The following DYNC1LI1 variants were observed in gnomAD, a reference collection of about 807,000 sequenced individuals.
DYNC1LI1 encodes dynein cytoplasmic 1 light intermediate chain 1, also known as cytoplasmic dynein 1 light intermediate chain 1.
A neutral mutation model predicts 63.8 loss-of-function variants in DYNC1LI1; 19 were observed. The observed-to-expected ratio is 0.30, with a 90% confidence interval of 0.21 to 0.44. The LOEUF is 0.44. DYNC1LI1 is among the 20% of genes least tolerant of loss of function. DYNC1LI1 has a pLI of 1.00. For synonymous variants in DYNC1LI1, 225 were observed against 232.3 expected (o/e 0.97, Z 0.28); for missense variants, 565 against 630.2 (o/e 0.90, Z 1.11).
chr3:32,544,735 C>T, intron 4 of DYNC1LI1, 141 bp downstream of exon 4: 1 of 622,380 alleles, frequency 1.6e-6, no homozygotes, highest in Non-Finnish European at 2.7e-6. Context: ...GAACAAGACT[C>T]TTGTCTCCAA....
chr3:32,563,511 C>T (rs533855922), intron 2 of DYNC1LI1, among the ~76,000 whole-genome samples: 1 of 152,040 alleles, frequency 6.6e-6, no homozygotes, highest in Non-Finnish European at 1.5e-5. Flanking sequence ...AGGCTGGTCT[C>T]GAACTCATGA....
At chr3:32,533,566 CTT>C (rs374520445) in intron 7 of DYNC1LI1, among the ~76,000 whole-genome samples, 36,836 of 139,144 alleles carry the variant, frequency 0.26, 4,142 homozygotes, top group Middle Eastern at 0.29. Context: ...ATACGGTTAC[CTT>C]TTTTTTTTTT....
intron 2 of DYNC1LI1, among the ~76,000 whole-genome samples, chr3:32,569,014 A>C (rs914407780): frequency 3.9e-5 from 6 of 152,216 alleles, no homozygotes; most frequent in African/African-American, 1.4e-4. Flanking sequence ...AATATTTTCT[A>C]ATGCAGTTTA....
chr3:32,530,058 C>T (rs372624905), intron 10 of DYNC1LI1, among the ~76,000 whole-genome samples: 5 of 152,050 alleles, frequency 3.3e-5, no homozygotes, highest in Non-Finnish European at 7.4e-5. Flanking sequence ...CCTCATAAGG[C>T]GGTTGTGAGA....
intron 2 of DYNC1LI1, among the ~76,000 whole-genome samples, chr3:32,568,859 T>C (rs1032711209): frequency 7.2e-5 from 11 of 152,228 alleles, no homozygotes; most frequent in African/African-American, 2.7e-4. Flanking sequence ...CATTTTACCT[T>C]AGAAATGAGT....
Position 32,526,757 on chromosome 3 carries a change from C to T in DYNC1LI1, c.*42G>A. 6.9e-7 allele frequency: 1 copy of T among 1,454,374 alleles called. No individual in the cohort carries two copies. The highest frequency in any genetic ancestry group is 9.6e-7 in the Non-Finnish European group (1 of 1,039,120). The allele number at this position is 1,454,374 out of a possible 1,614,324, so 90.1% of individuals were successfully genotyped here. ...GAAGGAAAAGGCAGAGGCATGTTTA[C>T]ATTATCCCAGAAAACAGAATAAATG... is the stretch of plus-strand genomic sequence containing the variant. On this transcript the variant is annotated 3_prime_UTR_variant, in exon 13 of 13. Transcript: ENST00000273130.
At chr3:32,530,685 C>T in intron 8 of DYNC1LI1, 165 bp from the exon 9 acceptor site, 1 of 604,834 alleles carries the variant, frequency 1.7e-6, no homozygotes, top group Non-Finnish European at 2.9e-6. Flanking sequence ...AGGCCTTCAG[C>T]AGAGGTGTCC....
At chr3:32,569,976 C>G (rs1698320609) in intron 2 of DYNC1LI1, among the ~76,000 whole-genome samples, 1 of 152,240 alleles carries the variant, frequency 6.6e-6, no homozygotes, top group African/African-American at 2.4e-5. Context: ...CGCTGCAGCT[C>G]TCGCAAAGAG....
At chr3:32,564,185 TC>T (rs1165141545) in intron 2 of DYNC1LI1, among the ~76,000 whole-genome samples, 1 of 152,174 alleles carries the variant, frequency 6.6e-6, no homozygotes, top group Non-Finnish European at 1.5e-5. Context: ...GGGACTACAG[TC>T]CTGTATATTC....
In DYNC1LI1 at chr3:32,567,639, A is replaced by G. The variant is rs1476420998; in HGVS notation, c.220+2707T>C. Among the ~76,000 whole-genome samples, 3 of 151,238 alleles carry G rather than the reference A, an allele frequency of 2.0e-5. No individual in the cohort carries two copies. The East Asian group carries it at 5.8e-4, about 29-fold the overall frequency. On this transcript the variant is annotated intron_variant, in intron 2 of 12. Transcript: ENST00000273130. ...CTGCAACTTCTGCCTCCAGGGCTCA[A>G]GTTGTCCCTCCACCTTAGCCTCCTG...
At chr3:32,537,363 T>C (rs1697788351) in intron 5 of DYNC1LI1, 2 of 206,992 alleles carry the variant, frequency 9.7e-6, no homozygotes, top group Non-Finnish European at 1.9e-5. Flanking sequence ...AAAGTTTTAG[T>C]ACCTAAGGGA....
intron 2 of DYNC1LI1, among the ~76,000 whole-genome samples, chr3:32,557,131 A>G (rs1000754006): frequency 9.2e-5 from 14 of 152,196 alleles, no homozygotes; most frequent in Admixed American, 7.9e-4. Flanking sequence ...AAACTCCATC[A>G]TGAACCCTCT....
At chr3:32,550,667 G>A (rs1698023611) in intron 2 of DYNC1LI1, among the ~76,000 whole-genome samples, 1 of 152,162 alleles carries the variant, frequency 6.6e-6, no homozygotes, top group Admixed American at 6.5e-5. Context: ...TCACCTGCAG[G>A]ATTTGTTATA....
chr3:32,530,248 C>A (rs748870550), intron 10 of DYNC1LI1, 36 bp downstream of exon 10: 2 of 1,541,192 alleles, frequency 1.3e-6, no homozygotes, highest in Non-Finnish European at 8.8e-7. Context: ...ATATGTACTG[C>A]ATTTTAATCA....
rs183685000 is a variant in DYNC1LI1 at position 32,568,454 on chromosome 3, T to C, written c.220+1892A>G. ...TCCCAATAGTACTGAAAGAAAAATA[T>C]TAAATTTCAAGCTCATATTACCTGA... On this transcript the variant is annotated intron_variant, in intron 2 of 12. Coordinates refer to ENST00000273130, the MANE Select transcript of DYNC1LI1 (RefSeq NM_016141.4). 3.3e-5 allele frequency among the ~76,000 whole-genome samples: 5 copies of C among 152,350 alleles called. No individual in the cohort carries two copies. In the East Asian group the frequency reaches 5.8e-4, roughly 18 times the overall value.
intron 2 of DYNC1LI1, among the ~76,000 whole-genome samples, chr3:32,548,287 C>T (rs901407233): frequency 4.6e-5 from 7 of 152,076 alleles, no homozygotes; most frequent in African/African-American, 1.7e-4. Flanking sequence ...GGAGCCCAAA[C>T]CCTAATGTGA....
intron 2 of DYNC1LI1, among the ~76,000 whole-genome samples, chr3:32,554,259 C>T (rs1698081545): frequency 6.6e-6 from 1 of 152,324 alleles, no homozygotes; most frequent in African/African-American, 2.4e-5. Context: ...TAGAATTTTA[C>T]ATGATGACAG....
At chr3:32,527,407 GT>G (rs554140925) in intron 12 of DYNC1LI1, among the ~76,000 whole-genome samples, 169 of 147,196 alleles carry the variant, frequency 1.1e-3, no homozygotes, top group African/African-American at 3.3e-3. Flanking sequence ...TCTCATAAAG[GT>G]TTTTTTTTTT....
intron 12 of DYNC1LI1, among the ~76,000 whole-genome samples, chr3:32,527,509 A>T (rs1697636927): frequency 6.6e-6 from 1 of 152,144 alleles, no homozygotes; most frequent in Admixed American, 6.5e-5. Flanking sequence ...AACAGATGAC[A>T]ATAAAAATGT....
Sources: allele counts gnomAD v4.1 joint callset (sites outside exome capture counted in the v4.1 genomes callset), GRCh38; gene constraint gnomAD v4.1.1; transcripts MANE v1.5; gene names NCBI Gene and HGNC (gene_info 2026-07-23, HGNC 2026-07-21).